Variants in KCMF1 observed in about 807,000 individuals in gnomAD.
KCMF1 encodes the protein E3 ubiquitin-protein ligase KCMF1.
In KCMF1, 3 loss-of-function variants were observed where a neutral mutation model predicts 41.1. The observed-to-expected ratio is 0.07, with a 90% CI of 0.03 to 0.19. The LOEUF is 0.19. Ranked by LOEUF, KCMF1 falls within the 10% of genes least tolerant of loss-of-function variation. The pLI is 1.00. For synonymous variants in KCMF1, 142 were observed against 164.5 expected (o/e 0.86, Z 1.04); for missense variants, 286 against 488.9 (o/e 0.58, Z 3.91).
Position 85,022,390 on chromosome 2 carries a change from C to T in KCMF1, c.17-5499C>T, listed in dbSNP as rs1362722024. The stretch of plus-strand genomic sequence containing the variant: ...TCAGGAGGCTGAGGTAGAAGGATTG[C>T]TTAAATCCAGGAGGTCGAGGCTGTA... On this transcript the variant is annotated intron_variant, in intron 1 of 6. Transcript: ENST00000409785. Among the ~76,000 whole-genome samples, 7 of 152,180 alleles carry T rather than the reference C, an allele frequency of 4.6e-5. No individual in the cohort carries two copies. In the East Asian group the frequency reaches 1.4e-3, roughly 29 times the overall value.
chr2:85,050,905 G>C (rs1191760193), intron 6 of KCMF1, among the ~76,000 whole-genome samples: 1 of 152,236 alleles, frequency 6.6e-6, no homozygotes, highest in Admixed American at 6.5e-5. Context: ...TAGAGCCCCA[G>C]CTTTGCCAAT....
intron 6 of KCMF1, among the ~76,000 whole-genome samples, chr2:85,050,564 G>A (rs1380541493): frequency 1.3e-5 from 2 of 152,190 alleles, no homozygotes; most frequent in East Asian, 3.8e-4. Flanking sequence ...GGCATTTTAT[G>A]TGACTTTTAG....
chr2:84,989,512 A>G (rs1439824444), intron 1 of KCMF1, among the ~76,000 whole-genome samples: 7 of 152,198 alleles, frequency 4.6e-5, no homozygotes, highest in African/African-American at 1.4e-4. Context: ...GCTCTGAAAG[A>G]TAGCACTTTG....
chr2:85,013,172 C>T (rs893095842), intron 1 of KCMF1, among the ~76,000 whole-genome samples: 1 of 152,150 alleles, frequency 6.6e-6, no homozygotes, highest in Non-Finnish European at 1.5e-5. Flanking sequence ...TGCTTATTTA[C>T]TTATCCTTAT....
At chr2:85,003,553 CTGTT>C (rs1427108665) in intron 1 of KCMF1, among the ~76,000 whole-genome samples, 1 of 151,756 alleles carries the variant, frequency 6.6e-6, no homozygotes, top group Non-Finnish European at 1.5e-5. Flanking sequence ...AGTATTTTAA[CTGTT>C]TGTTTTATGC....
intron 1 of KCMF1, among the ~76,000 whole-genome samples, chr2:84,989,273 A>G (rs939448760): frequency 2.0e-5 from 3 of 152,228 alleles, no homozygotes; most frequent in African/African-American, 7.2e-5. Flanking sequence ...TAGTGGAAAA[A>G]ACAGATACAG....
At chr2:85,026,321 C>T (rs893366042) in intron 1 of KCMF1, among the ~76,000 whole-genome samples, 1 of 151,072 alleles carries the variant, frequency 6.6e-6, no homozygotes, top group Non-Finnish European at 1.5e-5. Context: ...TAAACAAATA[C>T]AAATGAGATC....
intron 1 of KCMF1, among the ~76,000 whole-genome samples, chr2:84,994,037 T>C (rs1295002228): frequency 6.6e-6 from 1 of 151,962 alleles, no homozygotes; most frequent in African/African-American, 2.4e-5. Context: ...AAGCTCCGCC[T>C]CCTGGGTTCA....
intron 1 of KCMF1, among the ~76,000 whole-genome samples, chr2:84,998,759 C>T (rs956656045): frequency 4.7e-5 from 7 of 150,474 alleles, no homozygotes; most frequent in African/African-American, 7.4e-5. Flanking sequence ...TGTACCACCC[C>T]GCCCAATTAA....
At chr2:84,990,755 G>A (rs904095174) in intron 1 of KCMF1, among the ~76,000 whole-genome samples, 3 of 152,120 alleles carry the variant, frequency 2.0e-5, no homozygotes, top group Non-Finnish European at 4.4e-5. Context: ...GGTGACATTG[G>A]AGCAGAGACT....
At chr2:84,998,916 ACCT>A (rs1380563602) in intron 1 of KCMF1, among the ~76,000 whole-genome samples, 4 of 102,248 alleles carry the variant, frequency 3.9e-5, no homozygotes, top group African/African-American at 1.6e-4. Context: ...TGGGCCTCTT[ACCT>A]ATCTATCTAT....
intron 1 of KCMF1, among the ~76,000 whole-genome samples, chr2:85,011,291 T>C (rs1674647342): frequency 2.0e-5 from 3 of 152,214 alleles, no homozygotes; most frequent in Non-Finnish European, 4.4e-5. Flanking sequence ...ACTGGATATA[T>C]TACAGGCTCA....
At chr2:85,048,535 G>T (rs939874536) in intron 5 of KCMF1, among the ~76,000 whole-genome samples, 9 of 152,202 alleles carry the variant, frequency 5.9e-5, no homozygotes, top group African/African-American at 2.2e-4. Context: ...GTTTTTGCTG[G>T]CCTGAAAGTG....
intron 3 of KCMF1, among the ~76,000 whole-genome samples, chr2:85,041,355 T>G (rs1675529786): frequency 6.6e-6 from 1 of 152,226 alleles, no homozygotes; most frequent in Admixed American, 6.5e-5. Flanking sequence ...CTTTTCTACT[T>G]GTTAAATTAT....
At chr2:85,019,152 T>A (rs141227314) in intron 1 of KCMF1, among the ~76,000 whole-genome samples, 2,085 of 152,352 alleles carry the variant, frequency 0.014, 36 homozygotes, top group South Asian at 0.042. Context: ...CTGTTCTGTT[T>A]CAGATTTCTC....
At chr2:85,013,730 A>G (rs1418700717) in intron 1 of KCMF1, among the ~76,000 whole-genome samples, 2 of 150,870 alleles carry the variant, frequency 1.3e-5, no homozygotes, top group Non-Finnish European at 3.0e-5. Flanking sequence ...CGCGGGAGGC[A>G]GAAGTGTCAG....
chr2:85,026,495 A>T (rs552904634), intron 1 of KCMF1, among the ~76,000 whole-genome samples: 363 of 143,580 alleles, frequency 2.5e-3, no homozygotes, highest in Non-Finnish European at 4.2e-3. Context: ...TATTATTATT[A>T]TTTTTATTTT....
At position 85,054,995 on chromosome 2, in the gene KCMF1, C is replaced by T. The variant is rs1199863123; in HGVS notation, c.*1586C>T. 2 of 152,206 alleles carry T rather than the reference C, an allele frequency of 1.3e-5. No homozygotes were observed. The highest frequency in any genetic ancestry group is 1.3e-4 in the Admixed American group (2 of 15,280). 9.4% of individuals were successfully genotyped at this position (152,206 alleles called of 1,614,324 possible). A position where few individuals can be genotyped will look rare whatever the true frequency, so the allele number is the denominator to read the frequency against. On this transcript the variant is annotated 3_prime_UTR_variant, in exon 7 of 7. Coordinates refer to ENST00000409785, the MANE Select transcript of KCMF1 (RefSeq NM_020122.5). ...ACATGTCTGAAAAACTGTTGCTTCT[C>T]CTCTGAAACTTCAAACTCCAACGAT...
rs559124837 is a variant in KCMF1 at position 85,022,371 on chromosome 2, G to A, written c.17-5518G>A. Among the ~76,000 whole-genome samples, 22 of 152,180 alleles carry A rather than the reference G, an allele frequency of 1.4e-4. 1 individual carries two copies. The South Asian group carries it at 4.4e-3, about 30-fold the overall frequency. ...CACCAGTAGTCCCAGCTACTCAGGA[G>A]GCTGAGGTAGAAGGATTGCTTAAAT... On this transcript the variant is annotated intron_variant, in intron 1 of 6. Transcript: ENST00000409785.
Sources: gnomAD v4.1 joint callset for allele counts (sites outside exome capture counted in the v4.1 genomes callset) on GRCh38, gnomAD v4.1.1 for gene constraint, MANE v1.5 for transcripts, NCBI Gene and HGNC (gene_info 2026-07-23, HGNC 2026-07-21) for gene names.